GPR158: variants seen among roughly 807,000 people sequenced by gnomAD.
The protein encoded by GPR158 is metabotropic glycine receptor.
GPR158 carries 30 observed loss-of-function variants against 78.2 expected under a neutral mutation model. The observed-to-expected ratio is 0.38, with a 90% confidence interval of 0.29 to 0.52. The LOEUF is 0.52. GPR158 is among the 20% of genes least tolerant of loss of function. The pLI is 0.83. For missense variants in GPR158, 1,463 were observed against 1,523.5 expected, an observed-to-expected ratio of 0.96 and a Z score of 0.66; for synonymous variants, 581 against 591.1, an observed-to-expected ratio of 0.98 and a Z score of 0.25.
At chr10:25,545,657 A>G (rs1251785287) in intron 5 of GPR158, among the ~76,000 whole-genome samples, 1 of 152,116 alleles carries the variant, frequency 6.6e-6, no homozygotes, top group East Asian at 1.9e-4. Flanking sequence ...CTTGTTACAG[A>G]TTATATTAAC....
intron 2 of GPR158, among the ~76,000 whole-genome samples, chr10:25,307,016 CAGAGAG>C (rs67926384): frequency 6.7e-4 from 98 of 146,466 alleles, no homozygotes; most frequent in African/African-American, 2.0e-3. Flanking sequence ...CACACACATA[CAGAGAG>C]AGAGAGAGAG....
intron 2 of GPR158, among the ~76,000 whole-genome samples, chr10:25,289,778 G>C (rs547034407): frequency 6.6e-6 from 1 of 152,256 alleles, no homozygotes; most frequent in African/African-American, 2.4e-5. Context: ...ACAAACGTGA[G>C]GGATTGTCAT....
At chr10:25,184,845 C>CT (rs1054225932) in intron 1 of GPR158, among the ~76,000 whole-genome samples, 3 of 152,056 alleles carry the variant, frequency 2.0e-5, no homozygotes, top group African/African-American at 7.2e-5. Flanking sequence ...AGCATTTTTT[C>CT]TTTTTTTCCC....
At chr10:25,262,453 G>T (rs1428210130) in intron 2 of GPR158, among the ~76,000 whole-genome samples, 1 of 152,020 alleles carries the variant, frequency 6.6e-6, no homozygotes, top group African/African-American at 2.4e-5. Flanking sequence ...GGAAACCCAG[G>T]AGAAAGGTTT....
At chr10:25,532,812 C>T (rs1836444112) in intron 5 of GPR158, among the ~76,000 whole-genome samples, 2 of 151,808 alleles carry the variant, frequency 1.3e-5, no homozygotes, top group South Asian at 2.1e-4. Flanking sequence ...TTCTCATTCC[C>T]AGCCAACCTA....
rs538576018 is a variant in GPR158 at position 25,598,104 on chromosome 10, C to A, written c.2478C>A (p.Asp826Glu). 2.2e-5 allele frequency: 36 copies of A among 1,614,002 alleles called. No homozygotes were observed. The African/African-American group carries it at 4.1e-4, about 19-fold the overall frequency. ...ACAGCACTTATGACCACGTGAGAGA[C>A]CAAACGGAAGAGTCCAGTAGCCTAC... is the stretch of plus-strand genomic sequence containing the variant. ...KSHSTYDHVR[D>E]QTEESSSLPT... Residue 826 changes from aspartate (D) to glutamate (E), a missense_variant, in exon 11 of 11, where the codon GAC becomes GAA. Transcript: ENST00000376351.
intron 6 of GPR158, among the ~76,000 whole-genome samples, chr10:25,561,430 C>A (rs1836859003): frequency 6.6e-6 from 1 of 152,100 alleles, no homozygotes; most frequent in African/African-American, 2.4e-5. Flanking sequence ...ATGTAATTCC[C>A]AAACTGAATA....
intron 2 of GPR158, among the ~76,000 whole-genome samples, chr10:25,388,445 T>C (rs1834250575): frequency 6.6e-6 from 1 of 152,204 alleles, no homozygotes; most frequent in South Asian, 2.1e-4. Context: ...CCCTGCCATG[T>C]CCCACGGGCC....
intron 2 of GPR158, among the ~76,000 whole-genome samples, chr10:25,239,093 T>C (rs1853569543): frequency 6.6e-6 from 1 of 152,142 alleles, no homozygotes; most frequent in African/African-American, 2.4e-5. Context: ...GGAGAGTACA[T>C]GGAGTGAAGA....
chr10:25,294,131 C>T (rs1216861767), intron 2 of GPR158, among the ~76,000 whole-genome samples: 1 of 152,184 alleles, frequency 6.6e-6, no homozygotes, highest in Non-Finnish European at 1.5e-5. Flanking sequence ...GCATCAACTA[C>T]ATTTATATTG....
intron 4 of GPR158, among the ~76,000 whole-genome samples, chr10:25,430,040 G>A (rs922163477): frequency 8.7e-4 from 127 of 145,434 alleles, no homozygotes; most frequent in African/African-American, 3.1e-3. Flanking sequence ...GAAATAAAGG[G>A]TATTCAATTA....
At chr10:25,296,543 G>A (rs1854517999) in intron 2 of GPR158, among the ~76,000 whole-genome samples, 1 of 151,946 alleles carries the variant, frequency 6.6e-6, no homozygotes, top group African/African-American at 2.4e-5. Context: ...CCTTGTCCAA[G>A]ATTAAAATGA....
At chr10:25,226,998 G>C (rs988954569) in intron 2 of GPR158, among the ~76,000 whole-genome samples, 1 of 152,140 alleles carries the variant, frequency 6.6e-6, no homozygotes, top group East Asian at 1.9e-4. Flanking sequence ...ACCACTGTAT[G>C]GATGCTTATT....
intron 2 of GPR158, among the ~76,000 whole-genome samples, chr10:25,236,043 G>A (rs1853520047): frequency 6.6e-6 from 1 of 151,974 alleles, no homozygotes; most frequent in South Asian, 2.1e-4. Flanking sequence ...ATAGCACTTT[G>A]TATGCTTGCA....
At chr10:25,274,799 T>G (rs1854162076) in intron 2 of GPR158, among the ~76,000 whole-genome samples, 1 of 152,214 alleles carries the variant, frequency 6.6e-6, no homozygotes, top group Admixed American at 6.5e-5. Context: ...TGTTGTGTTC[T>G]TTGGTGTATT....
At chr10:25,448,370 G>C (rs542736852) in intron 4 of GPR158, among the ~76,000 whole-genome samples, 1 of 152,070 alleles carries the variant, frequency 6.6e-6, no homozygotes, top group East Asian at 1.9e-4. Context: ...GATTACAGGC[G>C]TGAGCCACCA....
intron 6 of GPR158, among the ~76,000 whole-genome samples, chr10:25,563,561 G>A (rs549945817): frequency 1.3e-5 from 2 of 152,056 alleles, no homozygotes; most frequent in South Asian, 4.2e-4. Context: ...ATATCATTTT[G>A]ATTCCCTTCT....
intron 2 of GPR158, among the ~76,000 whole-genome samples, chr10:25,273,894 G>A (rs529552648): frequency 6.6e-6 from 1 of 152,084 alleles, no homozygotes; most frequent in South Asian, 2.1e-4. Context: ...TGCCCAGGCT[G>A]GTCTCAAACT....
chr10:25,527,881 T>TA (rs1836371237), intron 5 of GPR158, among the ~76,000 whole-genome samples: 1 of 152,022 alleles, frequency 6.6e-6, no homozygotes, highest in Non-Finnish European at 1.5e-5. Flanking sequence ...CTGCAGAGAT[T>TA]AAAAGGATAA....
Sources: allele counts gnomAD v4.1 joint callset (sites outside exome capture counted in the v4.1 genomes callset), GRCh38; gene constraint gnomAD v4.1.1; transcripts MANE v1.5; gene names NCBI Gene and HGNC (gene_info 2026-07-23, HGNC 2026-07-21).